The following METTL15 variants were observed in gnomAD, a reference collection of about 807,000 sequenced individuals.
METTL15 encodes the protein 12S rRNA N(4)-cytidine methyltransferase METTL15.
Under a neutral mutation model 38.3 loss-of-function variants are expected in METTL15, and 34 were observed. The observed-to-expected ratio is 0.89, with a 90% CI of 0.68 to 1.18. METTL15 has a LOEUF of 1.18. METTL15 is among the 50% of genes most tolerant of loss of function. The pLI, the probability that METTL15 is intolerant of heterozygous loss-of-function variation, is 0.00. For missense variants in METTL15, 438 were observed against 498.4 expected, an observed-to-expected ratio of 0.88 and a Z score of 1.15; for synonymous variants, 162 against 170.9, an observed-to-expected ratio of 0.95 and a Z score of 0.41.
chr11:28,380,473 A>G (rs1850370670), intron 5 of METTL15, among the ~76,000 whole-genome samples: 1 of 152,102 alleles, frequency 6.6e-6, no homozygotes, highest in Non-Finnish European at 1.5e-5. Flanking sequence ...ATTTAGATTC[A>G]TTGTTATTAC....
chr11:28,125,778 T>TA (rs1262745893), intron 3 of METTL15: 1 of 152,100 alleles, frequency 6.6e-6, no homozygotes, highest in African/African-American at 2.4e-5. Flanking sequence ...CTTTTTTGGA[T>TA]AAAAAATCTT....
chr11:28,221,661 G>GT (rs1853229631), intron 4 of METTL15, among the ~76,000 whole-genome samples: 2 of 152,238 alleles, frequency 1.3e-5, no homozygotes, highest in South Asian at 4.2e-4. Flanking sequence ...TTTCTGCTCT[G>GT]TTTTTTCCCC....
rs772674439 is a variant in METTL15 at position 28,318,902 on chromosome 11, C to T, written c.779-11494C>T. 2.6e-5 allele frequency among the ~76,000 whole-genome samples: 4 copies of T among 152,254 alleles called. No individual in the cohort carries two copies. The South Asian group carries it at 6.2e-4, about 24-fold the overall frequency. On this transcript the variant is annotated intron_variant, in intron 6 of 6. Transcript: ENST00000407364. ...CAGTAGCAACTGATTCTTTTTTAAACCCACTATCAAGAAAGCAGATGAAAA... is the reference window on the plus strand; with the variant it reads ...CAGTAGCAACTGATTCTTTTTTAAATCCACTATCAAGAAAGCAGATGAAAA...
chr11:28,522,170 C>A (rs964294945), intron 6 of METTL15, among the ~76,000 whole-genome samples: 5 of 152,174 alleles, frequency 3.3e-5, no homozygotes, highest in African/African-American at 7.2e-5. Flanking sequence ...TCCCTTCACT[C>A]TAAATAGAAG....
At chr11:28,312,119 A>T (rs1260841172) in intron 6 of METTL15, among the ~76,000 whole-genome samples, 3 of 152,216 alleles carry the variant, frequency 2.0e-5, no homozygotes, top group Admixed American at 1.3e-4. Context: ...CGGCCAACTC[A>T]TTTCAGGTAC....
At chr11:28,361,729 C>T (rs1416101040) in intron 4 of METTL15, among the ~76,000 whole-genome samples, 5 of 152,018 alleles carry the variant, frequency 3.3e-5, no homozygotes, top group East Asian at 3.9e-4. Flanking sequence ...TACTTAATAT[C>T]GGTAAAAACT....
intron 4 of METTL15, among the ~76,000 whole-genome samples, chr11:28,273,076 G>T (rs1484470082): frequency 3.9e-5 from 6 of 152,108 alleles, no homozygotes; most frequent in Non-Finnish European, 1.5e-5. Context: ...GATCATCTCT[G>T]TTAAAATATT....
chr11:28,485,112 T>TACACAC (rs33941898), intron 6 of METTL15, among the ~76,000 whole-genome samples: 2,585 of 148,826 alleles, frequency 0.017, 26 homozygotes, highest in East Asian at 0.041. Flanking sequence ...AATGAAGTTT[T>TACACAC]ACACACACAC....
chr11:28,205,735 T>C (rs1313420867), intron 3 of METTL15, among the ~76,000 whole-genome samples: 1 of 150,054 alleles, frequency 6.7e-6, no homozygotes, highest in Non-Finnish European at 1.5e-5. Context: ...AGTGTAAAAG[T>C]GTTCCTATTT....
chr11:28,222,565 C>G (rs758606664), intron 4 of METTL15, among the ~76,000 whole-genome samples: 10 of 152,150 alleles, frequency 6.6e-5, no homozygotes, highest in Non-Finnish European at 1.5e-4. Context: ...CTGTCCTGCA[C>G]CCACTGTCCT....
At chr11:28,472,429 CAGGTATTCTACCTAAGGT>C (rs1014337845) in intron 6 of METTL15, among the ~76,000 whole-genome samples, 2 of 152,144 alleles carry the variant, frequency 1.3e-5, no homozygotes, top group Non-Finnish European at 2.9e-5. Context: ...CATGCTGCAT[CAGGTATTCTACCTAAGGT>C]ATTACAGGGC....
At chr11:28,368,143 C>CAAAAAAAACAAA (rs1433778813) in intron 5 of METTL15, among the ~76,000 whole-genome samples, 3 of 87,068 alleles carry the variant, frequency 3.4e-5, no homozygotes, top group African/African-American at 1.3e-4. Flanking sequence ...AAAAAAAAAA[C>CAAAAAAAACAAA]AAAAAAAACA....
chr11:28,189,180 A>T (rs1216166602), intron 3 of METTL15, among the ~76,000 whole-genome samples: 1 of 151,360 alleles, frequency 6.6e-6, no homozygotes, highest in African/African-American at 2.4e-5. Context: ...AAATAGTGTT[A>T]ATTCACAATT....
In METTL15 at chr11:28,430,071, C is replaced by T. The variant is rs1332683033; in HGVS notation, c.*424+5707C>T. The stretch of plus-strand genomic sequence containing the variant: ...GAGACCCCATCTGGGAGGTGAGGAG[C>T]GTCTCTGCCCGGCCGCCCTGTCTGA... On this transcript the variant is annotated intron_variant and NMD_transcript_variant, in intron 6 of 7. Transcript: ENST00000532947. Among the ~76,000 whole-genome samples the T allele has an allele frequency of 6.1e-5, 9 of 147,098 alleles. 1 individual carries two copies. In the East Asian group the frequency reaches 1.1e-3, roughly 18 times the overall value.
intron 4 of METTL15, among the ~76,000 whole-genome samples, chr11:28,245,613 G>A (rs1335330383): frequency 2.0e-5 from 3 of 152,190 alleles, no homozygotes; most frequent in Non-Finnish European, 2.9e-5. Context: ...CCTTTGGTAA[G>A]TATATTGGTC....
At chr11:28,516,292 A>G (rs1851718865) in intron 6 of METTL15, among the ~76,000 whole-genome samples, 1 of 152,160 alleles carries the variant, frequency 6.6e-6, no homozygotes, top group Admixed American at 6.5e-5. Flanking sequence ...GGATTGCAGA[A>G]TGATTTTGTT....
At chr11:28,136,181 C>G (rs374261686) in intron 3 of METTL15, among the ~76,000 whole-genome samples, 9 of 152,262 alleles carry the variant, frequency 5.9e-5, no homozygotes, top group African/African-American at 1.9e-4. Context: ...ATTTCTGTAG[C>G]AATATGGTTT....
At chr11:28,205,509 A>T (rs1336387602) in intron 3 of METTL15, among the ~76,000 whole-genome samples, 3 of 152,024 alleles carry the variant, frequency 2.0e-5, no homozygotes, top group African/African-American at 4.8e-5. Context: ...TCTATCATTG[A>T]TGGACATTTG....
At chr11:28,517,320 G>GTTTTTTAATTTATTTA (rs1554934350) in intron 6 of METTL15, 1 of 151,966 alleles carries the variant, frequency 6.6e-6, no homozygotes, top group African/African-American at 2.4e-5. Context: ...TGAAAGGTAG[G>GTTTTTTAATTTATTTA]TTTTTTAATT....
Sources: allele counts gnomAD v4.1 joint callset (sites outside exome capture counted in the v4.1 genomes callset), GRCh38; gene constraint gnomAD v4.1.1; transcripts MANE v1.5; gene names NCBI Gene and HGNC (gene_info 2026-07-23, HGNC 2026-07-21).